Variants in DPY19L4 observed in about 807,000 individuals in gnomAD.
DPY19L4 encodes the protein dpy-19 like 4, also known as probable C-mannosyltransferase DPY19L4.
A neutral mutation model predicts 102.8 loss-of-function variants in DPY19L4; 97 were observed. That is an observed-to-expected ratio of 0.94 (90% CI 0.80 to 1.12). DPY19L4 has a LOEUF of 1.12. Among genes scored for constraint, DPY19L4 ranks in the 50% most tolerant of loss-of-function variants. The probability of loss-of-function intolerance (pLI) is 0.00; values close to 1 mark genes in which losing one functional copy is unlikely to be tolerated. For synonymous variants in DPY19L4, 252 were observed against 283.1 expected (o/e 0.89, Z 1.10); for missense variants, 815 against 850.4 (o/e 0.96, Z 0.52).
At chr8:94,728,983 C>T (rs199567021) in intron 2 of DPY19L4, among the ~76,000 whole-genome samples, 1 of 151,324 alleles carries the variant, frequency 6.6e-6, no homozygotes, top group East Asian at 1.9e-4. Context: ...GAGTTCAGGA[C>T]CGTCCTGGAC....
intron 11 of DPY19L4, 98 bp from the exon 12 acceptor site, chr8:94,768,297 T>C: frequency 1.1e-6 from 1 of 915,086 alleles, no homozygotes; most frequent in Non-Finnish European, 1.7e-6. Flanking sequence ...GTTTAGGAAA[T>C]GTGTTTTTTC....
intron 6 of DPY19L4, among the ~76,000 whole-genome samples, chr8:94,744,011 A>G (rs1377701000): frequency 6.6e-6 from 1 of 152,248 alleles, no homozygotes; most frequent in Non-Finnish European, 1.5e-5. Flanking sequence ...GTTTCAAAAT[A>G]AATAAAAATA....
intron 6 of DPY19L4, among the ~76,000 whole-genome samples, chr8:94,752,764 A>C (rs1028735072): frequency 1.3e-5 from 2 of 149,688 alleles, no homozygotes; most frequent in Non-Finnish European, 3.0e-5. Flanking sequence ...ACCCCGGTTC[A>C]CGCCATTCTC....
At chr8:94,760,333 A>T (rs1432278709) in intron 7 of DPY19L4, among the ~76,000 whole-genome samples, 3 of 152,158 alleles carry the variant, frequency 2.0e-5, no homozygotes, top group Non-Finnish European at 4.4e-5. Context: ...TCTGGGGATG[A>T]TGGTGTCTGG....
intron 16 of DPY19L4, among the ~76,000 whole-genome samples, chr8:94,781,878 A>C (rs1382784604): frequency 6.6e-6 from 1 of 152,212 alleles, no homozygotes; most frequent in East Asian, 1.9e-4. Context: ...TAATCTAAGA[A>C]ATCCCAAATT....
Position 94,756,295 on chromosome 8 carries a change from A to G in DPY19L4, c.735+136A>G, listed in dbSNP as rs1444645356. 3.3e-6 allele frequency: 4 copies of G among 1,211,442 alleles called. No individual in the cohort carries two copies. In the African/African-American group the frequency reaches 4.6e-5, roughly 14 times the overall value. The allele number at this position is 1,211,442 out of a possible 1,614,324, so 75.0% of individuals were successfully genotyped here. ...AAGCCTGGTTACTACATAATAAAAGATATAGTTAGGTAGTTTTCTTACAAC... is the reference window on the plus strand; with the variant it reads ...AAGCCTGGTTACTACATAATAAAAGGTATAGTTAGGTAGTTTTCTTACAAC... On this transcript the variant is annotated intron_variant, in intron 7 of 18. Transcript: ENST00000414645.
intron 2 of DPY19L4, among the ~76,000 whole-genome samples, chr8:94,730,973 G>A (rs551137680): frequency 6.5e-4 from 96 of 146,846 alleles, no homozygotes; most frequent in African/African-American, 2.3e-3. Context: ...TCAAACTCCC[G>A]ACCTCAGGTG....
intron 7 of DPY19L4, among the ~76,000 whole-genome samples, chr8:94,759,467 C>CTGG (rs1812308000): frequency 6.7e-6 from 1 of 148,546 alleles, no homozygotes; most frequent in Non-Finnish European, 1.5e-5. Context: ...GCTGAGATTA[C>CTGG]TGGTGTGAGC....
At chr8:94,725,879 C>T (rs900947215) in intron 1 of DPY19L4, among the ~76,000 whole-genome samples, 1 of 152,064 alleles carries the variant, frequency 6.6e-6, no homozygotes, top group African/African-American at 2.4e-5. Context: ...CCTCGTGATC[C>T]GCCCACCTCG....
chr8:94,740,437 T>C (rs750688790), intron 6 of DPY19L4, among the ~76,000 whole-genome samples: 7 of 151,776 alleles, frequency 4.6e-5, no homozygotes, highest in Non-Finnish European at 8.8e-5. Context: ...ACTGTTTTGG[T>C]TTTGTTTTGG....
At chr8:94,720,190 G>T in intron 1 of DPY19L4, 176 bp downstream of exon 1, 1 of 985,398 alleles carries the variant, frequency 1.0e-6, no homozygotes, top group Non-Finnish European at 1.2e-6. Context: ...ATTCAGGAGA[G>T]CGGAGCAAAT....
At chr8:94,748,837 G>T (rs2130844501) in intron 6 of DPY19L4, among the ~76,000 whole-genome samples, 1 of 152,194 alleles carries the variant, frequency 6.6e-6, no homozygotes, top group Middle Eastern at 3.4e-3. Context: ...AATGCCTGAT[G>T]ATCTGAGGTG....
At chr8:94,721,530 A>T (rs1406521378) in intron 1 of DPY19L4, among the ~76,000 whole-genome samples, 1 of 152,218 alleles carries the variant, frequency 6.6e-6, no homozygotes, top group Non-Finnish European at 1.5e-5. Context: ...TGGTTACAGT[A>T]TATCATCATT....
At chr8:94,726,591 G>A (rs1194061110) in intron 2 of DPY19L4, 150 bp downstream of exon 2, 1 of 582,784 alleles carries the variant, frequency 1.7e-6, no homozygotes, top group Non-Finnish European at 2.9e-6. Flanking sequence ...AATCTCACTG[G>A]CTTATGACAA....
At position 94,726,384 on chromosome 8, in the gene DPY19L4, G is replaced by C. The variant is rs1810690573; in HGVS notation, c.70G>C (p.Glu24Gln). ...RKKPKSSENK[E>Q]SAKEEKISDI... The stretch of plus-strand genomic sequence containing the variant: ...AAAGCCAAAGTCTTCAGAAAATAAG[G>C]AATCTGCCAAAGAAGAGAAAATCAG... Residue 24 changes from glutamate to glutamine, a missense_variant, in exon 2 of 19, where the codon GAA (glutamate) becomes CAA (glutamine). Physicochemically the swap from Glu to Gln is conservative, Grantham distance 29. Transcript: ENST00000414645. 6.2e-7 allele frequency: 1 copy of C among 1,612,334 alleles called. No individual in the cohort carries two copies. The highest frequency in any genetic ancestry group is 1.7e-5 in the Admixed American group (1 of 59,716).
intron 6 of DPY19L4, among the ~76,000 whole-genome samples, chr8:94,751,336 T>C (rs1811919667): frequency 6.6e-6 from 1 of 151,644 alleles, no homozygotes; most frequent in Non-Finnish European, 1.5e-5. Flanking sequence ...GCCAGGATGG[T>C]CTCGATCTCT....
At chr8:94,741,282 C>T (rs777125456) in intron 6 of DPY19L4, among the ~76,000 whole-genome samples, 9 of 152,088 alleles carry the variant, frequency 5.9e-5, no homozygotes, top group Non-Finnish European at 7.4e-5. Flanking sequence ...ATCTGTGTGG[C>T]GTTTTTTAGC....
At chr8:94,720,678 A>G (rs557638452) in intron 1 of DPY19L4, among the ~76,000 whole-genome samples, 3 of 152,304 alleles carry the variant, frequency 2.0e-5, no homozygotes, top group Non-Finnish European at 4.4e-5. Flanking sequence ...TTCAGGATCA[A>G]TGCTAAGATA....
At chr8:94,779,596 G>A (rs1362068635) in intron 14 of DPY19L4, among the ~76,000 whole-genome samples, 1 of 151,970 alleles carries the variant, frequency 6.6e-6, no homozygotes, top group Admixed American at 6.6e-5. Flanking sequence ...CCAAGTTCTG[G>A]AATTATAGGT....
Sources: allele counts gnomAD v4.1 joint callset (sites outside exome capture counted in the v4.1 genomes callset), GRCh38; gene constraint gnomAD v4.1.1; transcripts MANE v1.5; gene names NCBI Gene and HGNC (gene_info 2026-07-23, HGNC 2026-07-21).